The following ARMC9 variants were observed in gnomAD, a reference collection of about 807,000 sequenced individuals.
ARMC9 encodes the protein armadillo repeat containing 9.
Under a neutral mutation model 107.0 loss-of-function variants are expected in ARMC9, and 94 were observed. The observed-to-expected ratio is 0.88, with a 90% CI of 0.74 to 1.04. The LOEUF is 1.04. ARMC9 is among the 50% of genes least tolerant of loss of function. The pLI is 0.00. For synonymous variants in ARMC9, 380 were observed against 396.9 expected (o/e 0.96, Z 0.51); for missense variants, 942 against 1,030.1 (o/e 0.91, Z 1.17).
intron 9 of ARMC9, among the ~76,000 whole-genome samples, chr2:231,250,051 G>A (rs1295451975): frequency 6.6e-6 from 1 of 152,024 alleles, no homozygotes; most frequent in Non-Finnish European, 1.5e-5. Context: ...ACTGTGATTG[G>A]GAGCACAGTC....
intron 19 of ARMC9, among the ~76,000 whole-genome samples, chr2:231,321,687 G>A (rs1192474978): frequency 1.3e-5 from 2 of 151,972 alleles, no homozygotes; most frequent in Admixed American, 6.5e-5. Context: ...CCCTTTGCCC[G>A]TTGTGTCCTG....
At chr2:231,314,794 TG>T (rs1434150196) in intron 19 of ARMC9, among the ~76,000 whole-genome samples, 1 of 152,240 alleles carries the variant, frequency 6.6e-6, no homozygotes, top group Non-Finnish European at 1.5e-5. Flanking sequence ...TTAACTCCTA[TG>T]TTTAGGTATA....
At chr2:231,330,832 C>G (rs561788427) in intron 19 of ARMC9, among the ~76,000 whole-genome samples, 1 of 143,268 alleles carries the variant, frequency 7.0e-6, no homozygotes, top group Non-Finnish European at 1.5e-5. Flanking sequence ...CAGGCTTTGG[C>G]TAAAGGAAGC....
chr2:231,283,789 G>A lies in ARMC9; in HGVS notation c.1626+1656G>A, dbSNP rs544058563. On this transcript the variant is annotated intron_variant, in intron 17 of 24. Coordinates refer to ENST00000611582, the MANE Select transcript of ARMC9 (RefSeq NM_001352754.2). ...TCTTTTGCCCAGGCTGGAGTGCAGT[G>A]GCCTGATAGTAGTGCACACTGCAGC... Among the ~76,000 whole-genome samples, 12 of 152,248 alleles carry A rather than the reference G, an allele frequency of 7.9e-5. 1 individual carries two copies. The South Asian group carries it at 2.3e-3, about 29-fold the overall frequency.
rs112918611 is a variant in ARMC9 at position 231,233,008 on chromosome 2, G to A, written c.623-2216G>A. On this transcript the variant is annotated intron_variant, in intron 7 of 24. Coordinates refer to ENST00000611582, the MANE Select transcript of ARMC9 (RefSeq NM_001352754.2). ...TGGGACTACAGGTGCGTGCCTCCAC[G>A]CCTGGCTAGTTTTTGTATTTTTAGT... Among the ~76,000 whole-genome samples, 91 of 151,502 alleles carry A rather than the reference G, an allele frequency of 6.0e-4. 1 individual carries two copies. Among genetic ancestry groups the A allele is most frequent in the African/African-American group, 2.0e-3 (83 of 41,276 alleles).
chr2:231,282,335 C>T (rs757222289), intron 17 of ARMC9, among the ~76,000 whole-genome samples: 1 of 152,226 alleles, frequency 6.6e-6, no homozygotes, highest in Non-Finnish European at 1.5e-5. Flanking sequence ...GGATCCCTAA[C>T]TCCTAAATGG....
intron 19 of ARMC9, among the ~76,000 whole-genome samples, chr2:231,320,800 C>T (rs1408633335): frequency 6.6e-6 from 1 of 152,154 alleles, no homozygotes; most frequent in Non-Finnish European, 1.5e-5. Context: ...ATCATGTGTG[C>T]ATTTGATCAG....
intron 9 of ARMC9, among the ~76,000 whole-genome samples, chr2:231,247,663 G>T (rs750109719): frequency 6.6e-6 from 1 of 152,202 alleles, no homozygotes; most frequent in Non-Finnish European, 1.5e-5. Context: ...GGGTGCAGTG[G>T]CTCACGCCTG....
At chr2:231,203,023 C>T (rs2031325281) in intron 1 of ARMC9, among the ~76,000 whole-genome samples, 1 of 152,154 alleles carries the variant, frequency 6.6e-6, no homozygotes. Context: ...ACTCTCCCAC[C>T]CTGAATCCTT....
At chr2:231,256,289 G>A in intron 9 of ARMC9, 2 of 1,554,000 alleles carry the variant, frequency 1.3e-6, no homozygotes, top group Admixed American at 3.9e-5. Flanking sequence ...AGAGCGAGAA[G>A]CCCGGAGGTT....
At chr2:231,273,498 C>T (rs1045948667) in intron 14 of ARMC9, among the ~76,000 whole-genome samples, 11 of 152,122 alleles carry the variant, frequency 7.2e-5, no homozygotes, top group Non-Finnish European at 1.6e-4. Context: ...GTTAGGGCCT[C>T]CTGACCTTGT....
intron 19 of ARMC9, among the ~76,000 whole-genome samples, chr2:231,312,727 T>C (rs1008337939): frequency 1.3e-5 from 2 of 152,120 alleles, no homozygotes; most frequent in Non-Finnish European, 2.9e-5. Context: ...TTCAGTCTTA[T>C]ACTACCCTGG....
chr2:231,311,834 A>AATCCCTTC (rs2042372207), intron 19 of ARMC9, among the ~76,000 whole-genome samples: 1 of 151,786 alleles, frequency 6.6e-6, no homozygotes. Flanking sequence ...TTCCGCAGAG[A>AATCCCTTC]ATCCCTTCAT....
chr2:231,335,406 G>A (rs567937342), intron 20 of ARMC9, among the ~76,000 whole-genome samples: 3 of 152,160 alleles, frequency 2.0e-5, no homozygotes, highest in Non-Finnish European at 4.4e-5. Flanking sequence ...CAGAGTGTTC[G>A]GGGATGGGAG....
chr2:231,328,127 G>T (rs1415277191), intron 19 of ARMC9, among the ~76,000 whole-genome samples: 2 of 152,082 alleles, frequency 1.3e-5, no homozygotes, highest in Non-Finnish European at 2.9e-5. Context: ...TCTCATTGTG[G>T]TTTTAATTTG....
At chr2:231,272,866 C>A in intron 13 of ARMC9, 89 bp from the exon 14 acceptor site, 1 of 1,492,050 alleles carries the variant, frequency 6.7e-7, no homozygotes, top group Non-Finnish European at 9.1e-7. Flanking sequence ...GTGTTATATG[C>A]AAAGTAAGTT....
rs757246857 is a variant in ARMC9, at chr2:231,211,137, TACACACACAC to T, written c.177+2898_177+2907del. Among the ~76,000 whole-genome samples, 7 of 147,354 alleles carry T rather than the reference TACACACACAC, an allele frequency of 4.8e-5. No individual in the cohort carries two copies. The East Asian group carries it at 7.9e-4, about 17-fold the overall frequency. On this transcript the variant is annotated intron_variant, in intron 3 of 24. Coordinates refer to ENST00000611582, the MANE Select transcript of ARMC9 (RefSeq NM_001352754.2). ...TCTGTGATATATATTCACAAACACA[TACACACACAC>T]ACACACACACACCCCCACAGTTTAT...
chr2:231,365,359 G>A (rs570792812), intron 23 of ARMC9, among the ~76,000 whole-genome samples: 28 of 152,264 alleles, frequency 1.8e-4, no homozygotes, highest in Middle Eastern at 3.4e-3. Context: ...GGAACATTGT[G>A]TTGGGAGGGA....
intron 8 of ARMC9, 128 bp downstream of exon 8, chr2:231,235,509 A>G (rs977785661): frequency 1.1e-5 from 12 of 1,137,070 alleles, no homozygotes; most frequent in African/African-American, 1.6e-5. Flanking sequence ...CTGCTGCTCT[A>G]TTTCCAAAAG....
Sources: gnomAD v4.1 joint callset for allele counts (sites outside exome capture counted in the v4.1 genomes callset) on GRCh38, gnomAD v4.1.1 for gene constraint, MANE v1.5 for transcripts, NCBI Gene and HGNC (gene_info 2026-07-23, HGNC 2026-07-21) for gene names.